Variants in HERC1 observed in about 807,000 individuals in gnomAD.
HERC1 encodes probable E3 ubiquitin-protein ligase HERC1.
Under a neutral mutation model 554.3 loss-of-function variants are expected in HERC1, and 160 were observed. The ratio of observed to expected loss-of-function variants is 0.29; its 90% CI spans 0.25 to 0.33. HERC1 has a LOEUF of 0.33. Among genes scored for constraint, HERC1 ranks in the 10% least tolerant of loss-of-function variants. The probability of loss-of-function intolerance (pLI) is 1.00; values close to 1 mark genes in which losing one functional copy is unlikely to be tolerated. For missense variants in HERC1, 4,919 were observed against 5,918.5 expected (o/e 0.83, Z 5.54); for synonymous variants, 2,175 against 2,131.7 (o/e 1.02, Z -0.56).
Position 63,661,901 on chromosome 15 carries a change from G to C in HERC1, c.9022C>G (p.Arg3008Gly). 6.2e-7 allele frequency: 1 copy of C among 1,613,954 alleles called. No homozygotes were observed. Among genetic ancestry groups the C allele is most frequent in the Non-Finnish European group, 8.5e-7 (1 of 1,179,880 alleles). Reference sequence around the variant, plus strand: ...GAACCATTGCTGCGATAGCCCTGGCGGTTTGCACTGCGCCCACAGCCTGGA... The same window carrying C: ...GAACCATTGCTGCGATAGCCCTGGCCGTTTGCACTGCGCCCACAGCCTGGA... ...NHPGCGRSAN[R>G]QGYRSNGSYV... Residue 3008 changes from arginine to glycine, a missense_variant, in exon 45 of 78, where the codon CGC becomes GGC. By Grantham distance (125) the Arg-to-Gly change is moderately radical. Transcript: ENST00000443617.
intron 42 of HERC1, among the ~76,000 whole-genome samples, chr15:63,665,528 C>T (rs2070582789): frequency 6.6e-6 from 1 of 151,772 alleles, no homozygotes; most frequent in Non-Finnish European, 1.5e-5. Flanking sequence ...AGCGAGACTC[C>T]GTCTCAGAAA....
intron 36 of HERC1, among the ~76,000 whole-genome samples, chr15:63,679,845 C>G (rs1185952043): frequency 6.6e-6 from 1 of 152,190 alleles, no homozygotes; most frequent in Admixed American, 6.5e-5. Context: ...CTTGTGACTG[C>G]ACGTTTGAAA....
chr15:63,718,709 A>C lies in HERC1; in HGVS notation c.3858-15T>G. ...CAGGTTGATATCTAAATGAAGAACC[A>C]AAATAGAAAAGTTACCTAATTTCTG... On this transcript the variant is annotated splice_polypyrimidine_tract_variant and intron_variant, in intron 20 of 77. Coordinates refer to ENST00000443617, the MANE Select transcript of HERC1 (RefSeq NM_003922.4). The surrounding 1 kb of genome is among the most constrained non-coding windows in gnomAD (Gnocchi z 4.2). 6.2e-7 allele frequency: 1 copy of C among 1,601,608 alleles called. No homozygotes were observed. Among genetic ancestry groups the C allele is most frequent in the South Asian group, 1.1e-5 (1 of 90,290 alleles).
intron 22 of HERC1, among the ~76,000 whole-genome samples, chr15:63,714,189 G>A (rs925656747): frequency 2.6e-5 from 4 of 151,738 alleles, no homozygotes; most frequent in Admixed American, 1.3e-4. Flanking sequence ...AAAAATGTGA[G>A]GTTTCAAAAG....
At chr15:63,729,747 G>T in intron 14 of HERC1, 98 bp from the exon 15 acceptor site, 1 of 1,191,482 alleles carries the variant, frequency 8.4e-7, no homozygotes, top group Non-Finnish European at 1.2e-6. Flanking sequence ...TATGGGCTGG[G>T]TGCGGTGACT....
intron 69 of HERC1, 127 bp from the exon 70 acceptor site, chr15:63,628,942 T>C: frequency 2.4e-6 from 2 of 816,768 alleles, no homozygotes; most frequent in South Asian, 1.8e-5. Context: ...TCAGCATCAA[T>C]AAAACACATT....
Position 63,692,706 on chromosome 15 carries a change from T to A in HERC1, c.5675-140A>T. On this transcript the variant is annotated intron_variant, in intron 30 of 77. Transcript: ENST00000443617. This position sits in a 1 kb window ranked among gnomAD's most constrained non-coding sequence, Gnocchi z 4.7. ...TGTCAGCTACTGAATTCTGAAAACT[T>A]AAAGAACAGAATGGGGAAAGGTCAG... 2.7e-6 allele frequency: 2 copies of A among 741,350 alleles called. No homozygotes were observed. Among genetic ancestry groups the A allele is most frequent in the Non-Finnish European group, 4.2e-6 (2 of 474,048 alleles). The allele number at this position is 741,350 out of a possible 1,614,324, so 45.9% of individuals were successfully genotyped here.
rs1416525368 is a variant in HERC1, at chr15:63,616,599, C to T, written c.13772G>A (p.Arg4591His). The T allele has an allele frequency of 1.2e-6, 2 of 1,613,850 alleles. No individual in the cohort carries two copies. The highest frequency in any genetic ancestry group is 1.7e-6 in the Non-Finnish European group (2 of 1,179,876). Residue 4591 changes from arginine (R) to histidine (H), a missense_variant, in exon 75 of 78, where the codon CGC becomes CAC. Physicochemically the swap from Arg to His is conservative, Grantham distance 29 (BLOSUM62 0). This residue lies in a region of HERC1 where 284 missense variants were observed against 294.1 expected (regional missense o/e 0.97). Transcript: ENST00000443617. ...GTGGAGGTCCAGAGGCTTCTTTGTG[C>T]GAATGGCAACCCCCATTAAAATTCC... Reference protein sequence around the residue: ...FLGILMGVAIRTKKPLDLHLA... With the variant: ...FLGILMGVAIHTKKPLDLHLA...
chr15:63,825,635 T>TA (rs2077870906), intron 1 of HERC1, among the ~76,000 whole-genome samples: 1 of 152,180 alleles, frequency 6.6e-6, no homozygotes, highest in Admixed American at 6.5e-5. Context: ...TTGAAGTTTT[T>TA]ATAGCAGCAA....
chr15:63,667,095 A>G (rs897063617), intron 40 of HERC1, among the ~76,000 whole-genome samples: 11 of 152,366 alleles, frequency 7.2e-5, no homozygotes, highest in Admixed American at 7.2e-4. Context: ...AGCTTCATTC[A>G]TGATGAGCTA....
Position 63,713,392 on chromosome 15 carries a change from G to T in HERC1, c.4424C>A (p.Pro1475His). The T allele has an allele frequency of 6.2e-7, 1 of 1,613,986 alleles. No homozygotes were observed. Among genetic ancestry groups the T allele is most frequent in the East Asian group, 2.2e-5 (1 of 44,890 alleles). The part of the protein sequence containing the change: ...KRREEGQLQQ[P>H]STSASEGGGL... ...ACCCCCTTCAGAGGCACTTGTTGAA[G>T]GTTGCTGCAACTGTCCTTCTTCTCT... The change falls in exon 23 of 78, where the codon CCT becomes CAT. Residue 1475 changes from proline to histidine, a missense_variant. Transcript: ENST00000443617.
intron 19 of HERC1, among the ~76,000 whole-genome samples, chr15:63,719,446 A>C (rs1378880742): frequency 1.3e-5 from 2 of 152,242 alleles, no homozygotes; most frequent in Non-Finnish European, 2.9e-5. Flanking sequence ...TGGGGACCAG[A>C]TCCCAACGGC....
rs2067664796 is a variant in HERC1 at position 63,612,950 on chromosome 15, T to TG, written c.14095-395dup. Among the ~76,000 whole-genome samples, 1 of 152,226 alleles carries TG rather than the reference T, an allele frequency of 6.6e-6. No homozygotes were observed. The highest frequency in any genetic ancestry group is 1.5e-5 in the Non-Finnish European group (1 of 68,048). Reference sequence around the variant, plus strand: ...TTCATCTCATAAAGGTAAGAAGCTTTGGGGGCACTCAACTAGCTGCCTACT... The same window carrying TG: ...TTCATCTCATAAAGGTAAGAAGCTTTGGGGGGCACTCAACTAGCTGCCTACT... On this transcript the variant is annotated intron_variant, in intron 76 of 77. Coordinates refer to ENST00000443617, the MANE Select transcript of HERC1 (RefSeq NM_003922.4). The surrounding 1 kb of genome is among the most constrained non-coding windows in gnomAD (Gnocchi z 5.0).
chr15:63,674,314 C>T, intron 38 of HERC1, 28 bp downstream of exon 38: 1 of 1,356,362 alleles, frequency 7.4e-7, no homozygotes. Flanking sequence ...AGCACAAAAG[C>T]AAAAAAAAAA....
At chr15:63,766,467 A>T (rs2075781351) in intron 2 of HERC1, among the ~76,000 whole-genome samples, 1 of 152,112 alleles carries the variant, frequency 6.6e-6, no homozygotes, top group Non-Finnish European at 1.5e-5. Flanking sequence ...ATGTGCCTGT[A>T]ATCCTAGATA....
chr15:63,808,643 A>G (rs2077204504), intron 1 of HERC1, among the ~76,000 whole-genome samples: 2 of 152,236 alleles, frequency 1.3e-5, no homozygotes, highest in African/African-American at 4.8e-5. Context: ...AAAGTAAGTT[A>G]TCCACTTGTC....
intron 45 of HERC1, among the ~76,000 whole-genome samples, chr15:63,661,338 C>T (rs754990852): frequency 1.6e-4 from 25 of 152,260 alleles, no homozygotes; most frequent in South Asian, 8.3e-4. Flanking sequence ...CAAACCTACT[C>T]TCTAGGGATT....
At chr15:63,698,579 G>A in intron 26 of HERC1, 149 bp downstream of exon 26, 1 of 730,998 alleles carries the variant, frequency 1.4e-6, no homozygotes, top group South Asian at 2.0e-5. Flanking sequence ...TGCTGTTCTA[G>A]TGAAGAATGT....
At chr15:63,628,074 A>G (rs902823408) in intron 70 of HERC1, among the ~76,000 whole-genome samples, 2 of 152,206 alleles carry the variant, frequency 1.3e-5, no homozygotes, top group African/African-American at 4.8e-5. Context: ...TTAGAAAGCT[A>G]TAATTTGTCA....
Sources: allele counts gnomAD v4.1 joint callset (sites outside exome capture counted in the v4.1 genomes callset), GRCh38; gene constraint gnomAD v4.1.1; regional missense constraint gnomAD v4.1.1; non-coding constraint Gnocchi (gnomAD v3.1); transcripts MANE v1.5; gene names NCBI Gene and HGNC (gene_info 2026-07-23, HGNC 2026-07-21).